Variants in ATL3 observed in about 807,000 individuals in gnomAD.
The protein encoded by ATL3 is atlastin GTPase 3.
ATL3 carries 49 observed loss-of-function variants against 69.5 expected under a neutral mutation model. That is an observed-to-expected ratio of 0.71 (90% CI 0.56 to 0.89). The LOEUF is 0.89. Among genes scored for constraint, ATL3 ranks in the 40% least tolerant of loss-of-function variants. The pLI is 0.00. For synonymous variants in ATL3, 214 were observed against 224.1 expected (o/e 0.95, Z 0.40); for missense variants, 606 against 645.7 (o/e 0.94, Z 0.67).
intron 6 of ATL3, among the ~76,000 whole-genome samples, chr11:63,644,638 G>A (rs569661809): frequency 6.6e-6 from 1 of 152,016 alleles, no homozygotes; most frequent in African/African-American, 2.4e-5. Flanking sequence ...CAATCCTGTG[G>A]CCTTGGCCTC....
intron 8 of ATL3, 126 bp downstream of exon 8, chr11:63,643,231 C>T (rs1939756508): frequency 9.4e-7 from 1 of 1,066,772 alleles, no homozygotes; most frequent in Non-Finnish European, 1.3e-6. Flanking sequence ...CTGAACTAGA[C>T]TTTAAATACT....
At chr11:63,659,343 A>G in intron 1 of ATL3, 91 bp from the exon 2 acceptor site, 1 of 1,111,794 alleles carries the variant, frequency 9.0e-7, no homozygotes, top group South Asian at 1.4e-5. Flanking sequence ...AACAGGGGAC[A>G]GGGCCAGGCT....
chr11:63,654,699 ATT>A (rs545924501), intron 3 of ATL3, among the ~76,000 whole-genome samples: 20 of 132,542 alleles, frequency 1.5e-4, no homozygotes, highest in Non-Finnish European at 2.6e-4. Flanking sequence ...TGTCTGGCCT[ATT>A]TTTTTTTTTT....
intron 6 of ATL3, among the ~76,000 whole-genome samples, chr11:63,645,736 C>T (rs1939851950): frequency 6.6e-6 from 1 of 151,706 alleles, no homozygotes; most frequent in Non-Finnish European, 1.5e-5. Flanking sequence ...GGACTACAGG[C>T]GTGCACGACC....
In ATL3 at chr11:63,644,278, C is replaced by A; in HGVS notation, c.619-17G>T. ...CATCAGTGTCTATTTAAGAAAAGAG[C>A]GGAACATATTTTAACATGCATAAAC... On this transcript the variant is annotated splice_polypyrimidine_tract_variant and intron_variant, in intron 6 of 12. Transcript: ENST00000398868. 12 of 1,502,350 alleles carry A rather than the reference C, an allele frequency of 8.0e-6. No homozygotes were observed. The highest frequency in any genetic ancestry group is 1.1e-5 in the Non-Finnish European group (12 of 1,083,444). 93.1% of individuals were successfully genotyped at this position (1,502,350 alleles called of 1,614,324 possible).
upstream of ATL3, chr11:63,671,828 G>C (rs115053499): frequency 2.6e-3 from 2,485 of 941,244 alleles, 54 homozygotes; most frequent in African/African-American, 0.041. Context: ...TGCGAGCTGC[G>C]GCCGGCGCCT....
chr11:63,647,170 A>T (rs1413358063), intron 5 of ATL3, among the ~76,000 whole-genome samples: 2 of 152,150 alleles, frequency 1.3e-5, no homozygotes, highest in African/African-American at 4.8e-5. Flanking sequence ...AAGTTTGCCA[A>T]TAATATTTCC....
intron 8 of ATL3, among the ~76,000 whole-genome samples, chr11:63,638,419 T>C (rs1939589101): frequency 6.6e-6 from 1 of 152,130 alleles, no homozygotes; most frequent in Admixed American, 6.5e-5. Context: ...AAGCAGCTAT[T>C]CTAGGCCTAG....
chr11:63,648,137 A>C (rs1031268635), intron 5 of ATL3, among the ~76,000 whole-genome samples: 3 of 152,198 alleles, frequency 2.0e-5, no homozygotes. Context: ...ATCCAAAAAA[A>C]AATCTAGACT....
chr11:63,631,946 C>T (rs2134463683), intron 11 of ATL3, among the ~76,000 whole-genome samples: 1 of 152,300 alleles, frequency 6.6e-6, no homozygotes, highest in Admixed American at 6.5e-5. Flanking sequence ...CGCACCACTG[C>T]ACTCCAGCCT....
intron 3 of ATL3, among the ~76,000 whole-genome samples, chr11:63,657,208 C>CAAA (rs1254213240): frequency 2.3e-4 from 14 of 59,904 alleles, no homozygotes; most frequent in African/African-American, 3.8e-4. Context: ...GACTACATCT[C>CAAA]AAAAAAAAAA....
chr11:63,667,050 T>G (rs527913588), intron 1 of ATL3, among the ~76,000 whole-genome samples: 60 of 152,332 alleles, frequency 3.9e-4, no homozygotes, highest in South Asian at 2.3e-3. Context: ...TGATGAAATC[T>G]TGTGCTATCC....
rs1369824180 is a variant in ATL3, at chr11:63,631,155, C to T, written c.1424G>A (p.Cys475Tyr). ...TGCTATTAACAGTAGTCCAACCATACAGTTGAACAACTGGGCTACAACCTC... is the reference window on the plus strand; with the variant it reads ...TGCTATTAACAGTAGTCCAACCATATAGTTGAACAACTGGGCTACAACCTC... ...GLEVVAQLFN[C>Y]MVGLLLIALL... The change falls in exon 12 of 13, where the codon TGT (cysteine) becomes TAT (tyrosine). Residue 475 changes from cysteine to tyrosine, a missense_variant. By Grantham distance (194) the Cys-to-Tyr change is radical. Coordinates refer to ENST00000398868, the MANE Select transcript of ATL3 (RefSeq NM_015459.5). The T allele has an allele frequency of 3.1e-6, 5 of 1,614,050 alleles. No homozygotes were observed. Among genetic ancestry groups the T allele is most frequent in the African/African-American group, 1.3e-5 (1 of 74,928 alleles).
At chr11:63,645,493 T>A (rs1340836372) in intron 6 of ATL3, among the ~76,000 whole-genome samples, 1 of 152,106 alleles carries the variant, frequency 6.6e-6, no homozygotes, top group African/African-American at 2.4e-5. Flanking sequence ...TGCTTCCTCA[T>A]TCTCAAGAAA....
intron 1 of ATL3, among the ~76,000 whole-genome samples, chr11:63,668,375 C>A (rs1940644853): frequency 6.6e-6 from 1 of 152,118 alleles, no homozygotes; most frequent in African/African-American, 2.4e-5. Flanking sequence ...GGGGTGGGTG[C>A]TTTTATATAC....
chr11:63,633,040 TATA>T lies in ATL3; in HGVS notation c.1090_1092del (p.Tyr364del). The T allele has an allele frequency of 1.2e-6, 2 of 1,614,128 alleles. No homozygotes were observed. The highest frequency in any genetic ancestry group is 2.2e-5 in the East Asian group (1 of 44,884). The stretch of plus-strand genomic sequence containing the variant: ...GTCCCACGTACCTCTTCCATGTTGT[TATA>T]ATAAATGTCCTTGGCAGAGGCTGCA... On this transcript the variant is annotated inframe_deletion, in exon 11 of 13. Coordinates refer to ENST00000398868, the MANE Select transcript of ATL3 (RefSeq NM_015459.5).
Position 63,659,272 on chromosome 11 carries a change from A to C in ATL3, c.47-20T>G. On this transcript the variant is annotated intron_variant, in intron 1 of 12. Transcript: ENST00000398868. ...CATCATCTATGTTCATGCAGAGAAA[A>C]AAAATCAGTGTCAAATATTTAAAAT... The C allele has an allele frequency of 1.2e-6, 2 of 1,602,430 alleles. No individual in the cohort carries two copies. The highest frequency in any genetic ancestry group is 8.5e-7 in the Non-Finnish European group (1 of 1,170,594).
chr11:63,655,967 A>G lies in ATL3; in HGVS notation c.405+2794T>C, dbSNP rs1408626445. 1.3e-4 allele frequency among the ~76,000 whole-genome samples: 20 copies of G among 152,288 alleles called. 1 individual carries two copies. The highest frequency in any genetic ancestry group is 7.7e-4 in the East Asian group (4 of 5,166). On this transcript the variant is annotated intron_variant, in intron 3 of 12. Coordinates refer to ENST00000398868, the MANE Select transcript of ATL3 (RefSeq NM_015459.5). ...CAGCCTGGCGCAGTGGCTCACGCCTATAATCCCAGCACTTTGGGAGGCCAA... is the reference window on the plus strand; with the variant it reads ...CAGCCTGGCGCAGTGGCTCACGCCTGTAATCCCAGCACTTTGGGAGGCCAA...
At position 63,627,590 on chromosome 11, in the gene ATL3, ACT is replaced by A. The variant is rs1329838143; in HGVS notation, c.*1727_*1728del. The A allele has an allele frequency of 9.2e-5, 14 of 152,192 alleles. No individual in the cohort carries two copies. Among genetic ancestry groups the A allele is most frequent in the African/African-American group, 3.1e-4 (13 of 41,446 alleles). 9.4% of individuals were successfully genotyped at this position (152,192 alleles called of 1,614,324 possible). ...TTACCTTCATGTATATAAAATTTAC[ACT>A]CTTACCTCCCTCCCATAACAAAAGT... On this transcript the variant is annotated 3_prime_UTR_variant, in exon 13 of 13. Coordinates refer to ENST00000398868, the MANE Select transcript of ATL3 (RefSeq NM_015459.5).
Sources: gnomAD v4.1 joint callset for allele counts (sites outside exome capture counted in the v4.1 genomes callset) on GRCh38, gnomAD v4.1.1 for gene constraint, MANE v1.5 for transcripts, NCBI Gene and HGNC (gene_info 2026-07-23, HGNC 2026-07-21) for gene names.